The following DHX29 variants were observed in gnomAD, a reference collection of about 807,000 sequenced individuals.
DHX29 encodes the protein ATP-dependent RNA helicase DHX29.
A neutral mutation model predicts 167.9 loss-of-function variants in DHX29; 79 were observed. The ratio of observed to expected loss-of-function variants is 0.47; its 90% CI spans 0.39 to 0.57. The LOEUF (loss-of-function observed/expected upper bound fraction) is 0.57. Ranked by LOEUF, DHX29 falls within the 20% of genes least tolerant of loss-of-function variation. The pLI, the probability that DHX29 is intolerant of heterozygous loss-of-function variation, is 0.00. For synonymous variants in DHX29, 530 were observed against 546.0 expected (o/e 0.97, Z 0.41); for missense variants, 1,347 against 1,593.4 (o/e 0.85, Z 2.63).
intron 24 of DHX29, among the ~76,000 whole-genome samples, chr5:55,262,140 G>C (rs1000385575): frequency 1.3e-5 from 2 of 152,126 alleles, no homozygotes; most frequent in African/African-American, 4.8e-5. Flanking sequence ...ATAAGAAAAT[G>C]GAGTGGTCAT....
chr5:55,296,167 C>A, intron 4 of DHX29, 53 bp downstream of exon 4: 6 of 1,542,600 alleles, frequency 3.9e-6, no homozygotes, highest in South Asian at 2.6e-5. Flanking sequence ...ATACAAATAC[C>A]AAAACTACTT....
chr5:55,260,995 C>A (rs1746289670), intron 25 of DHX29, among the ~76,000 whole-genome samples: 1 of 152,080 alleles, frequency 6.6e-6, no homozygotes, highest in Admixed American at 6.5e-5. Flanking sequence ...TAACAATCCA[C>A]GTAAATCCTG....
intron 24 of DHX29, 131 bp from the exon 25 acceptor site, chr5:55,261,630 C>A: frequency 3.1e-6 from 2 of 646,030 alleles, no homozygotes; most frequent in Non-Finnish European, 2.7e-6. Context: ...TGTAAAGCTA[C>A]ATTTTCATTT....
rs372475932 is a variant in DHX29, at chr5:55,290,390, A to G, written c.781-46T>C. 1.9e-6 allele frequency: 3 copies of G among 1,549,970 alleles called. No individual in the cohort carries two copies. The African/African-American group carries it at 4.2e-5, about 22-fold the overall frequency. ...AGGAGGGGGAAAAAAAAAGAAGAGC[A>G]AGATTAGTTTATCTATGGTCAATAA... On this transcript the variant is annotated intron_variant, in intron 6 of 26. Coordinates refer to ENST00000251636, the MANE Select transcript of DHX29 (RefSeq NM_019030.4).
At chr5:55,297,422 T>C (rs780005567) in intron 2 of DHX29, 24 bp from the exon 3 acceptor site, 1 of 928,254 alleles carries the variant, frequency 1.1e-6, no homozygotes, top group Non-Finnish European at 1.8e-6. Context: ...AAAGGTCATA[T>C]CATTTAGAAG....
At chr5:55,261,873 A>G (rs1421913618) in intron 24 of DHX29, among the ~76,000 whole-genome samples, 1 of 150,718 alleles carries the variant, frequency 6.6e-6, no homozygotes, top group East Asian at 1.9e-4. Context: ...ATCAATCAGT[A>G]ATCTCTCGTT....
chr5:55,283,649 G>T lies in DHX29; in HGVS notation c.1519C>A (p.Gln507Lys), dbSNP rs867119896. Reference sequence around the variant, plus strand: ...TCTCTCTTATTTTCAGAATGCTGTTGTTGCTGCTGTTGCTGCTGTTTCAGT... The same window carrying T: ...TCTCTCTTATTTTCAGAATGCTGTTTTTGCTGCTGTTGCTGCTGTTTCAGT... ...NKLKQQQQQQ[Q>K]QHSENKRENS... Residue 507 changes from glutamine to lysine, a missense_variant, in exon 11 of 27, where the codon CAA becomes AAA. Gln to Lys is a moderately conservative substitution (Grantham distance 53, BLOSUM62 1). Transcript: ENST00000251636. The T allele has an allele frequency of 6.2e-7, 1 of 1,614,016 alleles. No individual in the cohort carries two copies. The highest frequency in any genetic ancestry group is 1.3e-5 in the African/African-American group (1 of 75,036).
intron 12 of DHX29, among the ~76,000 whole-genome samples, chr5:55,281,082 CTATA>C (rs2111880474): frequency 6.7e-6 from 1 of 149,302 alleles, no homozygotes; most frequent in East Asian, 1.9e-4. Flanking sequence ...CACACACACG[CTATA>C]TATAACCCTT....
At chr5:55,260,317 C>T (rs906457495) in intron 25 of DHX29, among the ~76,000 whole-genome samples, 7 of 151,972 alleles carry the variant, frequency 4.6e-5, no homozygotes, top group Non-Finnish European at 7.4e-5. Context: ...CTGCAACCTT[C>T]GCCTCCCAGG....
intron 6 of DHX29, among the ~76,000 whole-genome samples, chr5:55,292,338 CT>C (rs1748091323): frequency 6.6e-6 from 1 of 152,136 alleles, no homozygotes; most frequent in Non-Finnish European, 1.5e-5. Context: ...AGAAATCTTC[CT>C]TAGCCTTTAT....
chr5:55,299,036 C>CAAAAA (rs35986300), intron 1 of DHX29, among the ~76,000 whole-genome samples: 17 of 76,108 alleles, frequency 2.2e-4, no homozygotes, highest in African/African-American at 2.8e-4. Context: ...GACTCCGTCT[C>CAAAAA]AAAAAAAAAA....
chr5:55,286,324 G>A (rs993079584), intron 8 of DHX29, among the ~76,000 whole-genome samples: 1 of 151,634 alleles, frequency 6.6e-6, no homozygotes, highest in Non-Finnish European at 1.5e-5. Context: ...TGTGACATAA[G>A]GAAATCCTCT....
intron 6 of DHX29, among the ~76,000 whole-genome samples, chr5:55,292,901 A>C (rs1364513919): frequency 6.6e-6 from 1 of 152,088 alleles, no homozygotes; most frequent in Non-Finnish European, 1.5e-5. Context: ...TCTTTCTCCA[A>C]ATCTCAAAGT....
At chr5:55,272,833 A>G (rs1021336540) in intron 17 of DHX29, among the ~76,000 whole-genome samples, 1 of 152,120 alleles carries the variant, frequency 6.6e-6, no homozygotes, top group Non-Finnish European at 1.5e-5. Context: ...AGGAAAAAAA[A>G]ATCACATTAA....
rs536234265 is a variant in DHX29 at position 55,263,096 on chromosome 5, G to C, written c.3526-164C>G. On this transcript the variant is annotated intron_variant, in intron 23 of 26. Coordinates refer to ENST00000251636, the MANE Select transcript of DHX29 (RefSeq NM_019030.4). ...CCTTAGGGAAAAAAAAAAGATACTG[G>C]AAAGTCAAGAATTAGAATCAGCTAT... Among the ~76,000 whole-genome samples, 20 of 152,148 alleles carry C rather than the reference G, an allele frequency of 1.3e-4. No individual in the cohort carries two copies. The South Asian group carries it at 2.1e-3, about 16-fold the overall frequency.
At chr5:55,282,586 AT>A (rs1335020416) in intron 11 of DHX29, among the ~76,000 whole-genome samples, 1 of 152,198 alleles carries the variant, frequency 6.6e-6, no homozygotes, top group African/African-American at 2.4e-5. Context: ...AATAATCAGA[AT>A]TACATGAACT....
Position 55,270,433 on chromosome 5 carries a change from C to A in DHX29, c.3048G>T (p.Glu1016Asp). The A allele has an allele frequency of 6.2e-7, 1 of 1,610,998 alleles. No homozygotes were observed. Among genetic ancestry groups the A allele is most frequent in the East Asian group, 2.2e-5 (1 of 44,770 alleles). Residue 1016 changes from glutamate to aspartate, a missense_variant, in exon 20 of 27, where the codon GAG (glutamate) becomes GAT (aspartate). Around this residue, in one of 3 missense-constraint regions of DHX29, gnomAD observed 882 missense variants for 1,082.4 expected, o/e 0.81. Transcript: ENST00000251636. The stretch of plus-strand genomic sequence containing the variant: ...TTACCATAATATGAAGGCATAATTC[C>A]TCCAAAGGTACACGTAAGATTTCAG... ...SVPEILRVPL[E>D]ELCLHIMKCN...
At chr5:55,260,383 C>T (rs1361319983) in intron 25 of DHX29, among the ~76,000 whole-genome samples, 1 of 152,094 alleles carries the variant, frequency 6.6e-6, no homozygotes, top group Non-Finnish European at 1.5e-5. Context: ...AGGTGCCTGC[C>T]ACCATGCCTG....
intron 12 of DHX29, among the ~76,000 whole-genome samples, chr5:55,281,105 A>T (rs1747384130): frequency 6.7e-6 from 1 of 149,732 alleles, no homozygotes; most frequent in African/African-American, 2.5e-5. Context: ...TTTGAATAGC[A>T]ATATATATAT....
Sources: gnomAD v4.1 joint callset for allele counts (sites outside exome capture counted in the v4.1 genomes callset) on GRCh38, gnomAD v4.1.1 for gene constraint, gnomAD v4.1.1 regional missense constraint, MANE v1.5 for transcripts, NCBI Gene and HGNC (gene_info 2026-07-23, HGNC 2026-07-21) for gene names.